Variants in LIMD1 observed in about 807,000 individuals in gnomAD.
LIMD1 encodes LIM domain-containing protein 1.
In LIMD1, 23 loss-of-function variants were observed where a neutral mutation model predicts 58.4. That is an observed-to-expected ratio of 0.39 (90% CI 0.28 to 0.56). The LOEUF is 0.56. LIMD1 is among the 20% of genes least tolerant of loss of function. The pLI, the probability that LIMD1 is intolerant of heterozygous loss-of-function variation, is 0.57. For synonymous variants in LIMD1, 334 were observed against 345.5 expected (o/e 0.97, Z 0.37); for missense variants, 838 against 855.5 (o/e 0.98, Z 0.25).
At chr3:45,603,420 T>C (rs891336180) in intron 1 of LIMD1, among the ~76,000 whole-genome samples, 1 of 151,794 alleles carries the variant, frequency 6.6e-6, no homozygotes, top group African/African-American at 2.4e-5. Context: ...GCTCAACAGC[T>C]GTGTGCCTCT....
chr3:45,641,545 A>G (rs961960708), intron 2 of LIMD1, among the ~76,000 whole-genome samples: 1 of 150,632 alleles, frequency 6.6e-6, no homozygotes, highest in African/African-American at 2.4e-5. Context: ...TATATAGCAT[A>G]TGGCATATGG....
chr3:45,662,905 A>G (rs558479342), intron 2 of LIMD1, among the ~76,000 whole-genome samples: 33 of 151,572 alleles, frequency 2.2e-4, no homozygotes, highest in African/African-American at 8.0e-4. Flanking sequence ...AATCACTTGA[A>G]CCTGGGAGGC....
intron 1 of LIMD1, among the ~76,000 whole-genome samples, chr3:45,608,438 G>T (rs1310296552): frequency 6.6e-6 from 1 of 152,184 alleles, no homozygotes; most frequent in Non-Finnish European, 1.5e-5. Flanking sequence ...TCATTTGCTT[G>T]CAGAGAAGCC....
rs140610388 is a variant in LIMD1, at chr3:45,647,316, C to A, written c.1510+11065C>A. Among the ~76,000 whole-genome samples the A allele has an allele frequency of 2.1e-4, 32 of 152,262 alleles. No individual in the cohort carries two copies. In the East Asian group the frequency reaches 5.6e-3, roughly 27 times the overall value. On this transcript the variant is annotated intron_variant, in intron 2 of 7. Transcript: ENST00000273317. ...ACTCAAAGCCAACATAACCTTCTTG[C>A]CAGTTAAAGTTTAAAGGGGAAGTGA...
intron 1 of LIMD1, among the ~76,000 whole-genome samples, chr3:45,620,247 A>AT (rs1252650697): frequency 1.3e-5 from 2 of 152,186 alleles, no homozygotes; most frequent in Non-Finnish European, 2.9e-5. Context: ...GTTAAAAGTG[A>AT]GCTAACTTGA....
Position 45,594,778 on chromosome 3 carries a change from AACACACACACACACACACACACACACAC to A in LIMD1, c.-63_-36del, listed in dbSNP as rs57091993. The A allele has an allele frequency of 0.036, 25,904 of 726,726 alleles. 420 individuals are homozygous for A. Among genetic ancestry groups the A allele is most frequent in the Non-Finnish European group, 0.039 (18,490 of 476,030 alleles). 45.0% of individuals were successfully genotyped at this position (726,726 alleles called of 1,614,324 possible). A position where few individuals can be genotyped will look rare whatever the true frequency, so the allele number is the denominator to read the frequency against. Reference sequence around the variant, plus strand: ...TCGCCAGCATCTCCCCGCTGCCCTCAACACACACACACACACACACACACACACACACACACACACACACACACACACA... The same window carrying A: ...TCGCCAGCATCTCCCCGCTGCCCTCAACACACACACACACACACACACACA... On this transcript the variant is annotated 5_prime_UTR_variant, in exon 1 of 8. Transcript: ENST00000273317.
At chr3:45,612,070 G>GCTCTCTCTCTCTCTCT (rs112847908) in intron 1 of LIMD1, among the ~76,000 whole-genome samples, 1 of 144,842 alleles carries the variant, frequency 6.9e-6, no homozygotes, top group African/African-American at 2.5e-5. Context: ...GCAGGTGCGC[G>GCTCTCTCTCTCTCTCT]CTCTCTCTCT....
chr3:45,653,396 C>T (rs897201768), intron 2 of LIMD1, among the ~76,000 whole-genome samples: 6 of 152,162 alleles, frequency 3.9e-5, no homozygotes, highest in African/African-American at 1.4e-4. Context: ...TTTATCCTTA[C>T]CAGGGAACCT....
intron 2 of LIMD1, among the ~76,000 whole-genome samples, chr3:45,665,179 G>A (rs993392327): frequency 3.3e-5 from 5 of 151,918 alleles, no homozygotes; most frequent in Non-Finnish European, 7.4e-5. Flanking sequence ...AAAAAGATAG[G>A]AAAATAATAG....
intron 1 of LIMD1, among the ~76,000 whole-genome samples, chr3:45,598,410 A>G (rs1162389831): frequency 2.6e-5 from 4 of 152,246 alleles, no homozygotes; most frequent in Admixed American, 1.3e-4. Context: ...CTCATTGGAC[A>G]ACACAAACAG....
intron 2 of LIMD1, among the ~76,000 whole-genome samples, chr3:45,651,026 A>G (rs1433470930): frequency 1.5e-5 from 2 of 135,698 alleles, no homozygotes; most frequent in Non-Finnish European, 3.2e-5. Flanking sequence ...AATAATCGCC[A>G]TTCTAACTGA....
At position 45,682,679 on chromosome 3, in the gene LIMD1, C is replaced by T. The variant is rs1697759304; in HGVS notation, c.*5620C>T. ...TGAAATAAACAGTAAGTACTCCATC[C>T]CAGGCCATCTCATCCAGAGGGTGCT... On this transcript the variant is annotated 3_prime_UTR_variant, in exon 8 of 8. Transcript: ENST00000273317. The T allele has an allele frequency of 6.6e-6, 1 of 152,234 alleles. No individual in the cohort carries two copies. Among genetic ancestry groups the T allele is most frequent in the Non-Finnish European group, 1.5e-5 (1 of 68,072 alleles). The allele number at this position is 152,234 out of a possible 1,614,324, so 9.4% of individuals were successfully genotyped here. A position where few individuals can be genotyped will look rare whatever the true frequency, so the allele number is the denominator to read the frequency against.
chr3:45,627,827 G>T (rs971425517), intron 1 of LIMD1, among the ~76,000 whole-genome samples: 2 of 151,678 alleles, frequency 1.3e-5, no homozygotes, highest in Non-Finnish European at 2.9e-5. Context: ...GGCCAACATG[G>T]CGAAACACCA....
chr3:45,633,884 A>C (rs1701761103), intron 1 of LIMD1, among the ~76,000 whole-genome samples: 1 of 152,124 alleles, frequency 6.6e-6, no homozygotes, highest in Non-Finnish European at 1.5e-5. Context: ...ACTCTGAAAC[A>C]CAGGGCTTTC....
chr3:45,666,604 C>T (rs1200047212), intron 3 of LIMD1, among the ~76,000 whole-genome samples: 1 of 152,136 alleles, frequency 6.6e-6, no homozygotes, highest in Non-Finnish European at 1.5e-5. Flanking sequence ...CTTCCTGTCC[C>T]TCCTGCACCC....
At chr3:45,656,249 T>G (rs1488965062) in intron 2 of LIMD1, among the ~76,000 whole-genome samples, 1 of 152,208 alleles carries the variant, frequency 6.6e-6, no homozygotes, top group Non-Finnish European at 1.5e-5. Context: ...CTTTATGGTA[T>G]TTTGTTCTAA....
chr3:45,615,189 A>G (rs1410578246), intron 1 of LIMD1, among the ~76,000 whole-genome samples: 1 of 152,254 alleles, frequency 6.6e-6, no homozygotes, highest in African/African-American at 2.4e-5. Context: ...GAGGTTGAAC[A>G]AAGAGAGGCA....
rs1697735575 is a variant in LIMD1, at chr3:45,680,985, G to A, written c.*3926G>A. On this transcript the variant is annotated 3_prime_UTR_variant, in exon 8 of 8. Transcript: ENST00000273317. ...AGATGGTGCCATTGCACTCCGACCT[G>A]GGCAACAGAGCGAAACACTGTCTCA... The A allele has an allele frequency of 6.6e-6, 1 of 150,772 alleles. No homozygotes were observed. 9.3% of individuals were successfully genotyped at this position (150,772 alleles called of 1,614,324 possible). A position where few individuals can be genotyped will look rare whatever the true frequency, so the allele number is the denominator to read the frequency against.
rs1014266771 is a variant in LIMD1 at position 45,626,092 on chromosome 3, C to T, written c.1409-10058C>T. On this transcript the variant is annotated intron_variant, in intron 1 of 7. Coordinates refer to ENST00000273317, the MANE Select transcript of LIMD1 (RefSeq NM_014240.3). ...GCCTCCTGCTGCACATCTTTTAAAACGGGAAACTGTCCCTTGTTTTTGCCC... is the reference window on the plus strand; with the variant it reads ...GCCTCCTGCTGCACATCTTTTAAAATGGGAAACTGTCCCTTGTTTTTGCCC... Among the ~76,000 whole-genome samples, 17 of 152,192 alleles carry T rather than the reference C, an allele frequency of 1.1e-4. 1 individual carries two copies. Among genetic ancestry groups the T allele is most frequent in the Admixed American group, 7.2e-4 (11 of 15,278 alleles).
Sources: allele counts gnomAD v4.1 joint callset (sites outside exome capture counted in the v4.1 genomes callset), GRCh38; gene constraint gnomAD v4.1.1; transcripts MANE v1.5; gene names NCBI Gene and HGNC (gene_info 2026-07-23, HGNC 2026-07-21).